RAC1: variants seen among roughly 807,000 people sequenced by gnomAD.
RAC1 encodes the protein Rac family small GTPase 1.
In RAC1, 2 loss-of-function variants were observed where a neutral mutation model predicts 25.2. The observed-to-expected ratio is 0.08, with a 90% CI of 0.03 to 0.25. The LOEUF (loss-of-function observed/expected upper bound fraction) is 0.25. Ranked by LOEUF, RAC1 falls within the 10% of genes least tolerant of loss-of-function variation. The pLI is 1.00. For synonymous variants in RAC1, 88 were observed against 94.0 expected (o/e 0.94, Z 0.37); for missense variants, 50 against 235.7 (o/e 0.21, Z 5.16).
At chr7:6,382,569 A>G (rs979194492) in intron 1 of RAC1, among the ~76,000 whole-genome samples, 3 of 152,228 alleles carry the variant, frequency 2.0e-5, no homozygotes, top group Non-Finnish European at 4.4e-5. Flanking sequence ...AAAAGTAAGT[A>G]AAAAGTTCTC....
At chr7:6,387,183 T>C (rs753955934) in intron 1 of RAC1, 29 bp from the exon 2 acceptor site, 1 of 1,449,506 alleles carries the variant, frequency 6.9e-7, no homozygotes, top group South Asian at 1.2e-5. Flanking sequence ...TCATGTTGAC[T>C]AAGCAACCTT....
intron 1 of RAC1, among the ~76,000 whole-genome samples, chr7:6,376,525 C>A (rs982293694): frequency 1.5e-5 from 2 of 131,956 alleles, no homozygotes; most frequent in Admixed American, 8.3e-5. Flanking sequence ...TTTTTTGAGA[C>A]GGGGTCTCAC....
chr7:6,396,433 G>A (rs1397215868), intron 3 of RAC1, among the ~76,000 whole-genome samples: 1 of 152,174 alleles, frequency 6.6e-6, no homozygotes, highest in Non-Finnish European at 1.5e-5. Flanking sequence ...GGACGAAGAA[G>A]GAACAAGGAA....
At position 6,375,262 on chromosome 7, in the gene RAC1, A is replaced by T. The variant is rs114456471; in HGVS notation, c.35+492A>T. On this transcript the variant is annotated intron_variant, in intron 1 of 5. Coordinates refer to ENST00000348035, the MANE Select transcript of RAC1 (RefSeq NM_006908.5). Reference sequence around the variant, plus strand: ...TGCCCCCAAACTTTTCTTTAAAAAAATTTTTTTTTCATAGACGGGGTCTCG... The same window carrying T: ...TGCCCCCAAACTTTTCTTTAAAAAATTTTTTTTTTCATAGACGGGGTCTCG... Among the ~76,000 whole-genome samples the T allele has an allele frequency of 4.6e-3, 691 of 151,312 alleles. 6 individuals are homozygous for T. The highest frequency in any genetic ancestry group is 0.016 in the African/African-American group (644 of 41,274).
chr7:6,387,667 G>A (rs1417461820), intron 2 of RAC1, among the ~76,000 whole-genome samples: 1 of 151,990 alleles, frequency 6.6e-6, no homozygotes, highest in Non-Finnish European at 1.5e-5. Flanking sequence ...GGAGGTTGCA[G>A]TGAGCCAAGA....
At position 6,403,920 on chromosome 7, in the gene RAC1, A is replaced by G. The variant is rs191733007; in HGVS notation, c.*1474A>G. 93 of 221,268 alleles carry G rather than the reference A, an allele frequency of 4.2e-4. No individual in the cohort carries two copies. Among genetic ancestry groups the G allele is most frequent in the African/African-American group, 1.6e-3 (70 of 44,754 alleles). 13.7% of individuals were successfully genotyped at this position (221,268 alleles called of 1,614,324 possible). Reference sequence around the variant, plus strand: ...TTTACATTGATCTTTTGCTAATGCAATTAGCATTATGTTTTGCATGTATGA... The same window carrying G: ...TTTACATTGATCTTTTGCTAATGCAGTTAGCATTATGTTTTGCATGTATGA... On this transcript the variant is annotated 3_prime_UTR_variant, in exon 6 of 6. Coordinates refer to ENST00000348035, the MANE Select transcript of RAC1 (RefSeq NM_006908.5).
At chr7:6,378,238 A>G (rs1782660808) in intron 1 of RAC1, among the ~76,000 whole-genome samples, 1 of 152,006 alleles carries the variant, frequency 6.6e-6, no homozygotes, top group South Asian at 2.1e-4. Flanking sequence ...ATAGAGACTG[A>G]TAATACACCC....
chr7:6,401,261 C>T (rs534994280), intron 4 of RAC1, among the ~76,000 whole-genome samples: 1 of 152,230 alleles, frequency 6.6e-6, no homozygotes, highest in South Asian at 2.1e-4. Flanking sequence ...CGGCCTAATA[C>T]GTGGATTTTT....
chr7:6,379,334 G>A (rs1435973809), intron 1 of RAC1, among the ~76,000 whole-genome samples: 3 of 146,910 alleles, frequency 2.0e-5, no homozygotes, highest in Non-Finnish European at 4.5e-5. Context: ...GAGTGCAGTG[G>A]TGCGATCTCG....
chr7:6,374,881 G>C (rs1344441398), intron 1 of RAC1, 111 bp downstream of exon 1: 1 of 888,002 alleles, frequency 1.1e-6, no homozygotes, highest in South Asian at 5.1e-5. Context: ...TCGCGTAGGC[G>C]GTGGGCCTGG....
intron 1 of RAC1, among the ~76,000 whole-genome samples, chr7:6,382,879 T>G (rs1178602439): frequency 6.6e-6 from 1 of 152,196 alleles, no homozygotes; most frequent in Non-Finnish European, 1.5e-5. Flanking sequence ...GTCTTAAAGT[T>G]CTCTTAATGG....
At chr7:6,396,019 C>T (rs747487034) in intron 3 of RAC1, among the ~76,000 whole-genome samples, 2 of 152,186 alleles carry the variant, frequency 1.3e-5, no homozygotes, top group Non-Finnish European at 2.9e-5. Flanking sequence ...CCTGGCTACA[C>T]TTACCACCGA....
intron 1 of RAC1, among the ~76,000 whole-genome samples, chr7:6,375,061 C>A (rs1309934227): frequency 7.1e-6 from 1 of 141,474 alleles, no homozygotes; most frequent in East Asian, 2.3e-4. Flanking sequence ...CGCCCGCCGC[C>A]CTCCTCGGGA....
chr7:6,387,929 C>G (rs1370974681), intron 2 of RAC1, among the ~76,000 whole-genome samples: 2 of 152,120 alleles, frequency 1.3e-5, no homozygotes, highest in Admixed American at 1.3e-4. Flanking sequence ...GTTTCAGATA[C>G]ACTGGCTTTC....
chr7:6,379,497 G>A (rs1046410385), intron 1 of RAC1, among the ~76,000 whole-genome samples: 1 of 151,888 alleles, frequency 6.6e-6, no homozygotes, highest in Non-Finnish European at 1.5e-5. Flanking sequence ...GGTCTCAAAC[G>A]CCTGACCTCA....
intron 2 of RAC1, among the ~76,000 whole-genome samples, chr7:6,389,656 G>A (rs1783030673): frequency 6.6e-6 from 1 of 151,898 alleles, no homozygotes; most frequent in Non-Finnish European, 1.5e-5. Context: ...CTCCAGCCTG[G>A]GCAACAGAAC....
chr7:6,381,253 A>G (rs537511142), intron 1 of RAC1, among the ~76,000 whole-genome samples: 1 of 152,312 alleles, frequency 6.6e-6, no homozygotes, highest in East Asian at 1.9e-4. Context: ...GCTTGTATCA[A>G]CTACACCAGG....
intron 3 of RAC1, 104 bp downstream of exon 3, chr7:6,392,145 G>A: frequency 6.4e-7 from 1 of 1,567,348 alleles, no homozygotes; most frequent in Non-Finnish European, 8.7e-7. Context: ...GCCATCATTT[G>A]GGTATTGAGT....
chr7:6,388,519 T>C (rs1782990730), intron 2 of RAC1, among the ~76,000 whole-genome samples: 1 of 151,744 alleles, frequency 6.6e-6, no homozygotes, highest in Non-Finnish European at 1.5e-5. Context: ...TAATTTTTGT[T>C]TCTTTAGTAG....
Sources: allele counts gnomAD v4.1 joint callset (sites outside exome capture counted in the v4.1 genomes callset), GRCh38; gene constraint gnomAD v4.1.1; transcripts MANE v1.5; gene names NCBI Gene and HGNC (gene_info 2026-07-23, HGNC 2026-07-21).